B4GALT6: variants seen among roughly 807,000 people sequenced by gnomAD.
B4GALT6 encodes beta-1,4-galactosyltransferase 6.
A neutral mutation model predicts 46.3 loss-of-function variants in B4GALT6; 14 were observed. The observed-to-expected ratio is 0.30, with a 90% CI of 0.20 to 0.47. The LOEUF (loss-of-function observed/expected upper bound fraction) is 0.47, where lower values mean the gene tolerates loss of function less well. Among genes scored for constraint, B4GALT6 ranks in the 20% least tolerant of loss-of-function variants. B4GALT6 has a pLI of 0.99. For synonymous variants in B4GALT6, 168 were observed against 162.0 expected (o/e 1.04, Z -0.28); for missense variants, 386 against 480.1 (o/e 0.80, Z 1.83).
chr18:31,699,750 G>A, the B4GALT6 span, among the ~76,000 whole-genome samples: 1 of 151,056 alleles, frequency 6.6e-6, no homozygotes, highest in Non-Finnish European at 1.5e-5. Flanking sequence ...TAGAAATTTA[G>A]AACGAACAAA....
At chr18:31,706,364 C>T in the B4GALT6 span, among the ~76,000 whole-genome samples, 1 of 152,108 alleles carries the variant, frequency 6.6e-6, no homozygotes, top group Non-Finnish European at 1.5e-5. Context: ...GAGTGCAGTC[C>T]TCATGCCTGT....
chr18:31,625,956 G>GA (rs969831189), intron 8 of B4GALT6, among the ~76,000 whole-genome samples, 195 bp from the exon 9 acceptor site: 78 of 152,162 alleles, frequency 5.1e-4, no homozygotes, highest in African/African-American at 1.8e-3. Flanking sequence ...AATGCCACCT[G>GA]AAAAAATTAT....
At chr18:31,658,876 T>C (rs2074176503) in intron 2 of B4GALT6, among the ~76,000 whole-genome samples, 1 of 152,152 alleles carries the variant, frequency 6.6e-6, no homozygotes, top group African/African-American at 2.4e-5. Flanking sequence ...AGCTAATAAC[T>C]GTAGCTATGA....
At chr18:31,687,768 T>C (rs73954675), upstream of B4GALT6, among the ~76,000 whole-genome samples, 11,189 of 152,256 alleles carry the variant, frequency 0.073, 818 homozygotes, top group African/African-American at 0.19. Flanking sequence ...GGTATCAAAC[T>C]GAATAAATTA....
the B4GALT6 span, among the ~76,000 whole-genome samples, chr18:31,695,656 A>G: frequency 6.6e-6 from 1 of 152,244 alleles, no homozygotes; most frequent in Non-Finnish European, 1.5e-5. Flanking sequence ...CTGAGCTGCC[A>G]ATTTTTGTAA....
upstream of B4GALT6, among the ~76,000 whole-genome samples, chr18:31,687,580 C>T (rs1399866371): frequency 6.6e-6 from 1 of 152,160 alleles, no homozygotes; most frequent in African/African-American, 2.4e-5. Flanking sequence ...TTGCAGAAAT[C>T]TAAAAGTCTA....
At chr18:31,722,192 C>A in the B4GALT6 span, among the ~76,000 whole-genome samples, 9 of 152,026 alleles carry the variant, frequency 5.9e-5, no homozygotes, top group Non-Finnish European at 1.2e-4. Context: ...TTTATAGAAT[C>A]TCATCCAAGA....
At chr18:31,638,547 C>A in intron 5 of B4GALT6, 97 bp downstream of exon 5, 2 of 1,060,424 alleles carry the variant, frequency 1.9e-6, no homozygotes, top group Non-Finnish European at 2.8e-6. Flanking sequence ...AACTAAGAAT[C>A]AGACTTACCT....
chr18:31,713,036 G>A, the B4GALT6 span, among the ~76,000 whole-genome samples: 4 of 152,252 alleles, frequency 2.6e-5, no homozygotes, highest in South Asian at 8.3e-4. Flanking sequence ...CTTTCCAAAA[G>A]TAACATTCTT....
At chr18:31,671,805 G>C (rs1235367853) in intron 1 of B4GALT6, among the ~76,000 whole-genome samples, 2 of 152,134 alleles carry the variant, frequency 1.3e-5, no homozygotes, top group African/African-American at 4.8e-5. Flanking sequence ...CATGCTGTGT[G>C]TTCTCTAATT....
chr18:31,722,210 A>G, the B4GALT6 span, among the ~76,000 whole-genome samples: 1 of 152,190 alleles, frequency 6.6e-6, no homozygotes, highest in Non-Finnish European at 1.5e-5. Flanking sequence ...AGATAATATT[A>G]AGTGAAACCA....
At chr18:31,626,474 T>C in intron 7 of B4GALT6, 90 bp from the exon 8 acceptor site, 2 of 686,060 alleles carry the variant, frequency 2.9e-6, no homozygotes, top group Non-Finnish European at 4.6e-6. Context: ...AAAAGAATGC[T>C]CTAATCCAGG....
chr18:31,685,092 C>T (rs1290804057), upstream of B4GALT6, among the ~76,000 whole-genome samples: 1 of 146,222 alleles, frequency 6.8e-6, no homozygotes, highest in African/African-American at 2.5e-5. Flanking sequence ...CCTCATGCCG[C>T]GCCGGGCCCC....
Position 31,684,417 on chromosome 18 carries a change from G to C in B4GALT6, c.10C>G (p.Leu4Val). The C allele has an allele frequency of 6.2e-7, 1 of 1,613,600 alleles. No individual in the cohort carries two copies. The highest frequency in any genetic ancestry group is 8.5e-7 in the Non-Finnish European group (1 of 1,179,744). MSVLRRMMRVSNRS... is the reference protein window; with the variant it reads MSVVRRMMRVSNRS... ...TTGGAAACCCGCATCATCCGCCTGA[G>C]CACAGACATCTTCCTCTTCCCTGCC... The change falls in exon 1 of 9, where the codon CTC becomes GTC. Residue 4 changes from leucine to valine, a missense_variant. Coordinates refer to ENST00000306851, the MANE Select transcript of B4GALT6 (RefSeq NM_004775.5).
chr18:31,675,778 C>T (rs2074407764), intron 1 of B4GALT6, among the ~76,000 whole-genome samples: 1 of 151,916 alleles, frequency 6.6e-6, no homozygotes, highest in South Asian at 2.1e-4. Context: ...AATAAGCAGG[C>T]CCAGGAAACA....
At chr18:31,626,544 G>A (rs555731780) in intron 7 of B4GALT6, among the ~76,000 whole-genome samples, 160 bp from the exon 8 acceptor site, 4 of 152,304 alleles carry the variant, frequency 2.6e-5, no homozygotes, top group East Asian at 1.9e-4. Flanking sequence ...AAACTGGGCC[G>A]CACAGCAGGA....
chr18:31,693,792 A>C, the B4GALT6 span, among the ~76,000 whole-genome samples: 1 of 151,682 alleles, frequency 6.6e-6, no homozygotes, highest in South Asian at 2.1e-4. Context: ...ATATAGTGGG[A>C]CTCCATCTCT....
the B4GALT6 span, among the ~76,000 whole-genome samples, chr18:31,711,265 A>T: frequency 2.6e-5 from 4 of 152,264 alleles, no homozygotes; most frequent in South Asian, 8.3e-4. Flanking sequence ...AAATTTTTAA[A>T]TTTTTATTTT....
At chr18:31,666,518 T>C (rs7233900) in intron 1 of B4GALT6, 146 bp from the exon 2 acceptor site, 47,400 of 396,860 alleles carry the variant, frequency 0.12, 4,196 homozygotes, top group African/African-American at 0.32. Flanking sequence ...ATATAAAATA[T>C]TGCCTACTAT....
Sources: gnomAD v4.1 joint callset for allele counts (sites outside exome capture counted in the v4.1 genomes callset) on GRCh38, gnomAD v4.1.1 for gene constraint, MANE v1.5 for transcripts, NCBI Gene and HGNC (gene_info 2026-07-23, HGNC 2026-07-21) for gene names.